The following LRBA variants were observed in gnomAD, a reference collection of about 807,000 sequenced individuals.
The protein encoded by LRBA is lipopolysaccharide-responsive and beige-like anchor protein.
Under a neutral mutation model 330.0 loss-of-function variants are expected in LRBA, and 176 were observed. That is an observed-to-expected ratio of 0.53 (90% CI 0.47 to 0.60). LRBA has a LOEUF of 0.60. Ranked by LOEUF, LRBA falls within the 20% of genes least tolerant of loss-of-function variation. The pLI, the probability that LRBA is intolerant of heterozygous loss-of-function variation, is 0.00. For synonymous variants in LRBA, 1,230 were observed against 1,193.0 expected (o/e 1.03, Z -0.64); for missense variants, 3,259 against 3,444.8 (o/e 0.95, Z 1.35).
chr4:150,737,134 C>T (rs1005803483), intron 35 of LRBA, among the ~76,000 whole-genome samples: 1 of 152,148 alleles, frequency 6.6e-6, no homozygotes, highest in African/African-American at 2.4e-5. Flanking sequence ...AGAAGCATCA[C>T]TTGAGTCAAT....
chr4:150,976,539 G>A (rs1390455284), intron 2 of LRBA, among the ~76,000 whole-genome samples: 3 of 152,130 alleles, frequency 2.0e-5, no homozygotes, highest in Non-Finnish European at 4.4e-5. Context: ...TGTTATATAT[G>A]TTACTAATCT....
intron 35 of LRBA, among the ~76,000 whole-genome samples, chr4:150,758,812 C>T (rs187239137): frequency 3.3e-5 from 5 of 151,776 alleles, no homozygotes; most frequent in Admixed American, 3.3e-4. Flanking sequence ...TGGGCTCAAG[C>T]GATCCTCCCA....
intron 48 of LRBA, among the ~76,000 whole-genome samples, chr4:150,336,617 T>C (rs1444006735): frequency 1.3e-5 from 2 of 152,120 alleles, no homozygotes; most frequent in Non-Finnish European, 2.9e-5. Context: ...GCATATCTAC[T>C]CAAATAATAT....
chr4:150,661,565 GATAA>G (rs752848289), intron 37 of LRBA, among the ~76,000 whole-genome samples: 141 of 151,538 alleles, frequency 9.3e-4, no homozygotes, highest in Non-Finnish European at 1.6e-3. Flanking sequence ...AATTCTACAG[GATAA>G]ATAATCACAT....
chr4:150,878,616 A>G (rs1728012202), intron 17 of LRBA, among the ~76,000 whole-genome samples: 1 of 152,064 alleles, frequency 6.6e-6, no homozygotes, highest in Non-Finnish European at 1.5e-5. Flanking sequence ...TTAAAAAAAA[A>G]AAATCCACAT....
intron 37 of LRBA, among the ~76,000 whole-genome samples, chr4:150,611,332 G>T (rs1309041931): frequency 6.6e-6 from 1 of 152,138 alleles, no homozygotes; most frequent in East Asian, 1.9e-4. Context: ...AACAGTTGAA[G>T]AATTGAGGCC....
At chr4:150,658,504 A>AGTCTCCTCC (rs1561481049) in intron 37 of LRBA, among the ~76,000 whole-genome samples, 1 of 21,560 alleles carries the variant, frequency 4.6e-5, no homozygotes, top group Non-Finnish European at 3.0e-4. Context: ...AGAAAATAAA[A>AGTCTCCTCC]GTCTCCCTCT....
At chr4:150,320,237 TG>T (rs1561008505) in intron 50 of LRBA, among the ~76,000 whole-genome samples, 1 of 152,164 alleles carries the variant, frequency 6.6e-6, no homozygotes, top group East Asian at 1.9e-4. Context: ...GCGAGCTCCC[TG>T]GGCTCAGTGT....
intron 47 of LRBA, among the ~76,000 whole-genome samples, chr4:150,375,566 C>T (rs1741146449): frequency 1.3e-5 from 2 of 151,802 alleles, no homozygotes; most frequent in Admixed American, 1.3e-4. Flanking sequence ...CAAGTGGATT[C>T]TCCTGCCTCA....
intron 47 of LRBA, among the ~76,000 whole-genome samples, chr4:150,409,621 A>G (rs1746666042): frequency 6.6e-6 from 1 of 152,068 alleles, no homozygotes; most frequent in African/African-American, 2.4e-5. Flanking sequence ...TTTGGCCATA[A>G]TGGTCCTTTG....
chr4:150,546,213 G>A (rs1340457520), intron 40 of LRBA, among the ~76,000 whole-genome samples: 2 of 152,176 alleles, frequency 1.3e-5, no homozygotes, highest in Admixed American at 6.6e-5. Context: ...TGGCCACGCT[G>A]CACATGTTAC....
At chr4:150,529,519 C>T (rs1763830371) in intron 40 of LRBA, among the ~76,000 whole-genome samples, 1 of 152,094 alleles carries the variant, frequency 6.6e-6, no homozygotes. Context: ...AGTTCAAGAT[C>T]AGCCTGACCA....
At chr4:150,735,509 A>C in intron 35 of LRBA, 143 bp from the exon 36 acceptor site, 1 of 639,814 alleles carries the variant, frequency 1.6e-6, no homozygotes, top group South Asian at 2.0e-5. Flanking sequence ...TTTCATGCTA[A>C]ATAATTGAGG....
intron 36 of LRBA, 132 bp downstream of exon 36, chr4:150,735,126 T>C (rs1050576873): frequency 4.3e-6 from 3 of 697,436 alleles, no homozygotes; most frequent in Non-Finnish European, 7.7e-6. Flanking sequence ...ATGACTCTCC[T>C]ATAAACCTAG....
chr4:150,647,325 C>T (rs1250495739), intron 37 of LRBA, among the ~76,000 whole-genome samples: 5 of 129,888 alleles, frequency 3.8e-5, no homozygotes, highest in African/African-American at 1.1e-4. Context: ...CAGATTATAT[C>T]TGTAAAAAGT....
chr4:150,934,930 C>T (rs1734923081), intron 2 of LRBA, among the ~76,000 whole-genome samples: 2 of 151,872 alleles, frequency 1.3e-5, no homozygotes, highest in South Asian at 2.1e-4. Flanking sequence ...ATCGCTTGAA[C>T]CTGGGAGGTG....
At chr4:150,669,709 T>C (rs1244777650) in intron 37 of LRBA, among the ~76,000 whole-genome samples, 2 of 151,732 alleles carry the variant, frequency 1.3e-5, no homozygotes, top group Non-Finnish European at 2.9e-5. Context: ...GAGATTACAG[T>C]CATGCACCAC....
chr4:150,468,168 G>C (rs1755665958), intron 43 of LRBA, among the ~76,000 whole-genome samples: 1 of 151,846 alleles, frequency 6.6e-6, no homozygotes, highest in Non-Finnish European at 1.5e-5. Context: ...AAAGCTATTT[G>C]TAATTCTCAC....
chr4:150,863,558 A>G (rs558048446), intron 22 of LRBA, among the ~76,000 whole-genome samples: 1 of 152,294 alleles, frequency 6.6e-6, no homozygotes, highest in South Asian at 2.1e-4. Context: ...GATACTCGGG[A>G]GGCTGAGGCA....
Sources: allele counts gnomAD v4.1 joint callset (sites outside exome capture counted in the v4.1 genomes callset), GRCh38; gene constraint gnomAD v4.1.1; transcripts MANE v1.5; gene names NCBI Gene and HGNC (gene_info 2026-07-23, HGNC 2026-07-21).